DYNC1I1: variants seen among roughly 807,000 people sequenced by gnomAD.
The protein encoded by DYNC1I1 is dynein cytoplasmic 1 intermediate chain 1, also known as cytoplasmic dynein 1 intermediate chain 1.
Under a neutral mutation model 86.6 loss-of-function variants are expected in DYNC1I1, and 43 were observed. The observed-to-expected ratio is 0.50, with a 90% CI of 0.39 to 0.64. DYNC1I1 has a LOEUF of 0.64. Ranked by LOEUF, DYNC1I1 falls within the 30% of genes least tolerant of loss-of-function variation. The pLI is 0.00. For missense variants in DYNC1I1, 604 were observed against 788.8 expected (o/e 0.77, Z 2.81); for synonymous variants, 262 against 283.7 (o/e 0.92, Z 0.77).
intron 1 of DYNC1I1, among the ~76,000 whole-genome samples, chr7:95,797,001 C>T (rs1794454550): frequency 6.6e-6 from 1 of 152,100 alleles, no homozygotes; most frequent in African/African-American, 2.4e-5. Context: ...CCAAATTTCA[C>T]TGCTACATGC....
In DYNC1I1 at chr7:95,831,936, A is replaced by G. The variant is rs142824195; in HGVS notation, c.374+3820A>G. On this transcript the variant is annotated intron_variant, in intron 5 of 16. Coordinates refer to ENST00000447467, the MANE Select transcript of DYNC1I1 (RefSeq NM_001135556.2). ...GGATTAAAATATTATCTCCCATTCTATACATTGCCTTATCATTGTATTGGT... is the reference window on the plus strand; with the variant it reads ...GGATTAAAATATTATCTCCCATTCTGTACATTGCCTTATCATTGTATTGGT... Among the ~76,000 whole-genome samples, 115 of 152,104 alleles carry G rather than the reference A, an allele frequency of 7.6e-4. 1 individual carries two copies. The highest frequency in any genetic ancestry group is 2.6e-3 in the African/African-American group (106 of 41,506).
chr7:95,864,378 T>C (rs966041568), intron 5 of DYNC1I1, among the ~76,000 whole-genome samples: 2 of 152,212 alleles, frequency 1.3e-5, no homozygotes, highest in Non-Finnish European at 2.9e-5. Context: ...GCAAATAACC[T>C]TCTCAAACTT....
intron 6 of DYNC1I1, among the ~76,000 whole-genome samples, chr7:95,929,740 T>A (rs1024006322): frequency 2.6e-5 from 4 of 152,218 alleles, no homozygotes; most frequent in African/African-American, 9.6e-5. Flanking sequence ...CTTATTAAAT[T>A]TTCTACAAAT....
chr7:95,944,429 C>T (rs1433821824), intron 6 of DYNC1I1, among the ~76,000 whole-genome samples: 1 of 152,186 alleles, frequency 6.6e-6, no homozygotes, highest in Non-Finnish European at 1.5e-5. Context: ...GTTGATGGGA[C>T]TGTAAACTAG....
chr7:95,974,150 C>T (rs1793244274), intron 6 of DYNC1I1, among the ~76,000 whole-genome samples: 2 of 152,154 alleles, frequency 1.3e-5, no homozygotes, highest in Non-Finnish European at 2.9e-5. Context: ...GACCAGAATG[C>T]CTAATCTCTC....
Position 95,879,487 on chromosome 7 carries a change from A to G in DYNC1I1, c.490+9489A>G, listed in dbSNP as rs190170170. ...GTAGAGAAGTGAAGAAGAAGTAATTATGGGGAGAGGAACAGCAAAAGTAAA... is the reference window on the plus strand; with the variant it reads ...GTAGAGAAGTGAAGAAGAAGTAATTGTGGGGAGAGGAACAGCAAAAGTAAA... On this transcript the variant is annotated intron_variant, in intron 6 of 16. Transcript: ENST00000447467. 1.0e-3 allele frequency among the ~76,000 whole-genome samples: 154 copies of G among 152,238 alleles called. 1 individual carries two copies. Among genetic ancestry groups the G allele is most frequent in the African/African-American group, 3.6e-3 (148 of 41,556 alleles).
intron 14 of DYNC1I1, among the ~76,000 whole-genome samples, chr7:96,074,550 C>CAA (rs61571160): frequency 5.8e-3 from 381 of 65,604 alleles, no homozygotes; most frequent in Middle Eastern, 0.018. Context: ...GACTCCGTCT[C>CAA]AAAAAAAAAA....
intron 1 of DYNC1I1, among the ~76,000 whole-genome samples, chr7:95,793,809 A>G (rs1584228818): frequency 6.6e-6 from 1 of 152,302 alleles, no homozygotes; most frequent in East Asian, 1.9e-4. Flanking sequence ...GTAACAGGCA[A>G]TGTTTACTCA....
At chr7:95,934,276 G>C (rs562346249) in intron 6 of DYNC1I1, among the ~76,000 whole-genome samples, 4 of 152,026 alleles carry the variant, frequency 2.6e-5, no homozygotes, top group African/African-American at 9.7e-5. Context: ...AGGGTATACC[G>C]GTACACTATT....
chr7:95,944,350 G>A (rs1379086362), intron 6 of DYNC1I1, among the ~76,000 whole-genome samples: 2 of 151,982 alleles, frequency 1.3e-5, no homozygotes, highest in African/African-American at 4.8e-5. Context: ...AGTTAGAATG[G>A]CAATCATTAA....
At chr7:96,084,149 A>G (rs1261998387) in intron 16 of DYNC1I1, among the ~76,000 whole-genome samples, 4 of 151,970 alleles carry the variant, frequency 2.6e-5, no homozygotes, top group Non-Finnish European at 4.4e-5. Flanking sequence ...GACCTGTGCA[A>G]TTGCATAGGG....
chr7:95,973,757 A>G lies in DYNC1I1; in HGVS notation c.491-3755A>G, dbSNP rs114968470. On this transcript the variant is annotated intron_variant, in intron 6 of 16. Transcript: ENST00000447467. ...TCTTTTTTGACTCTTCTGAGAATTA[A>G]TGTTTAAAATAAACACCCTTATAGC... Among the ~76,000 whole-genome samples, 1,472 of 152,262 alleles carry G rather than the reference A, an allele frequency of 9.7e-3. 30 individuals carry two copies. The highest frequency in any genetic ancestry group is 0.033 in the African/African-American group (1,370 of 41,554).
intron 6 of DYNC1I1, among the ~76,000 whole-genome samples, chr7:95,970,926 C>A (rs1793151804): frequency 1.9e-5 from 1 of 52,698 alleles, no homozygotes; most frequent in Non-Finnish European, 3.3e-5. Flanking sequence ...ATCATAAAGG[C>A]TGTAAAGACA....
intron 6 of DYNC1I1, among the ~76,000 whole-genome samples, chr7:95,875,312 T>C (rs1376485372): frequency 6.6e-6 from 1 of 152,170 alleles, no homozygotes; most frequent in Non-Finnish European, 1.5e-5. Context: ...TAATATTTAT[T>C]ATGTGTTCAG....
intron 6 of DYNC1I1, among the ~76,000 whole-genome samples, chr7:95,918,729 TAG>T (rs1186979377): frequency 6.6e-6 from 1 of 152,234 alleles, no homozygotes; most frequent in Non-Finnish European, 1.5e-5. Flanking sequence ...CGAAAATTTA[TAG>T]AGAGCTGAGT....
intron 6 of DYNC1I1, among the ~76,000 whole-genome samples, chr7:95,964,438 G>A (rs559813452): frequency 2.6e-5 from 4 of 152,234 alleles, no homozygotes; most frequent in African/African-American, 7.2e-5. Context: ...TGATGAGAGG[G>A]GAGAGTTTGA....
chr7:96,046,534 G>C (rs1789220486), intron 14 of DYNC1I1, among the ~76,000 whole-genome samples: 1 of 152,216 alleles, frequency 6.6e-6, no homozygotes, highest in African/African-American at 2.4e-5. Context: ...GATGTTCTTA[G>C]TGAATAAGTG....
intron 3 of DYNC1I1, 83 bp from the exon 4 acceptor site, chr7:95,813,164 G>A: frequency 1.3e-6 from 2 of 1,565,674 alleles, no homozygotes; most frequent in Non-Finnish European, 1.7e-6. Flanking sequence ...GGGCCCATTT[G>A]TTTTGATTTG....
rs184048745 is a variant in DYNC1I1, at chr7:95,889,647, A to T, written c.490+19649A>T. The stretch of plus-strand genomic sequence containing the variant: ...GCAAAAGAAACCATCCACAGAGTAA[A>T]CAGAAAACCTACAGAATGAGAGAAA... On this transcript the variant is annotated intron_variant, in intron 6 of 16. Coordinates refer to ENST00000447467, the MANE Select transcript of DYNC1I1 (RefSeq NM_001135556.2). Among the ~76,000 whole-genome samples the T allele has an allele frequency of 2.0e-5, 3 of 152,352 alleles. No homozygotes were observed. The East Asian group carries it at 5.8e-4, about 29-fold the overall frequency.
Sources: allele counts gnomAD v4.1 joint callset (sites outside exome capture counted in the v4.1 genomes callset), GRCh38; gene constraint gnomAD v4.1.1; transcripts MANE v1.5; gene names NCBI Gene and HGNC (gene_info 2026-07-23, HGNC 2026-07-21).